GSE1: variants seen among roughly 807,000 people sequenced by gnomAD.
GSE1 encodes the protein Gse1 coiled-coil protein.
GSE1 carries 32 observed loss-of-function variants against 112.6 expected under a neutral mutation model. The ratio of observed to expected loss-of-function variants is 0.28; its 90% CI spans 0.21 to 0.38. The LOEUF is 0.38. Among genes scored for constraint, GSE1 ranks in the 10% least tolerant of loss-of-function variants. The probability of loss-of-function intolerance (pLI) is 1.00; values close to 1 mark genes in which losing one functional copy is unlikely to be tolerated. For missense variants in GSE1, 2,348 were observed against 1,699.2 expected, an observed-to-expected ratio of 1.38 and a Z score of -6.71; for synonymous variants, 1,115 against 735.6, an observed-to-expected ratio of 1.52 and a Z score of -8.35.
At chr16:85,309,675 C>T (rs1323535866) in intron 1 of GSE1, among the ~76,000 whole-genome samples, 12 of 152,234 alleles carry the variant, frequency 7.9e-5, no homozygotes, top group Admixed American at 6.5e-5. Context: ...GCTCTGCAGA[C>T]GCCATTTGGG....
chr16:85,347,827 AC>A (rs2046774341), intron 1 of GSE1, among the ~76,000 whole-genome samples: 1 of 152,096 alleles, frequency 6.6e-6, no homozygotes, highest in Admixed American at 6.5e-5. Context: ...CTTCTGTTCC[AC>A]CTGGTCAGGG....
chr16:85,358,238 A>T (rs920562598), intron 2 of GSE1, among the ~76,000 whole-genome samples: 1 of 152,138 alleles, frequency 6.6e-6, no homozygotes, highest in South Asian at 2.1e-4. Context: ...CTCCTTGGTT[A>T]ATCGCCGTGT....
intron 15 of GSE1, among the ~76,000 whole-genome samples, chr16:85,671,595 C>G (rs566738078): frequency 1.4e-4 from 21 of 152,248 alleles, no homozygotes; most frequent in African/African-American, 4.8e-4. Flanking sequence ...GCCTGGTTGA[C>G]AGAGCAAGAC....
At chr16:85,384,961 C>T (rs1051671584) in intron 2 of GSE1, among the ~76,000 whole-genome samples, 28 of 152,274 alleles carry the variant, frequency 1.8e-4, no homozygotes, top group South Asian at 1.2e-3. Context: ...AGCAGGTTAG[C>T]GTGCTGTGCA....
At chr16:85,622,517 C>G (rs776185523) in intron 1 of GSE1, among the ~76,000 whole-genome samples, 8 of 152,196 alleles carry the variant, frequency 5.3e-5, no homozygotes, top group African/African-American at 1.9e-4. Context: ...TCTTCAAACA[C>G]ACGCTCCCAC....
intron 1 of GSE1, among the ~76,000 whole-genome samples, chr16:85,254,422 G>A (rs1055437054): frequency 3.3e-5 from 5 of 152,252 alleles, no homozygotes; most frequent in Middle Eastern, 3.4e-3. Context: ...ACAGCGCCTC[G>A]CACACAGCAG....
intron 1 of GSE1, among the ~76,000 whole-genome samples, chr16:85,338,818 G>A (rs1274990781): frequency 6.6e-6 from 1 of 152,042 alleles, no homozygotes; most frequent in Non-Finnish European, 1.5e-5. Flanking sequence ...CGCAGTAACC[G>A]AGTCAGTGCG....
At chr16:85,195,083 T>C (rs1219397136) in intron 1 of GSE1, among the ~76,000 whole-genome samples, 5 of 152,136 alleles carry the variant, frequency 3.3e-5, no homozygotes, top group Non-Finnish European at 5.9e-5. Context: ...ATCGCAGGCA[T>C]GTACCTCTGC....
At chr16:85,433,660 T>C (rs971124167) in intron 2 of GSE1, among the ~76,000 whole-genome samples, 26 of 151,412 alleles carry the variant, frequency 1.7e-4, no homozygotes, top group African/African-American at 6.1e-4. Context: ...GTTGAATGGA[T>C]AGATACTTGC....
rs1257099088 is a variant in GSE1 at position 85,663,067 on chromosome 16, C to T, written c.2347C>T (p.Pro783Ser). ...CCTCCGTTGCGTGGCCGAGCAGCCG[C>T]CCCTCAAACTGGACACGTCCTCTGA... is the stretch of plus-strand genomic sequence containing the variant. ...AHLRCVAEQP[P>S]LKLDTSSEKL... Residue 783 changes from proline to serine, a missense_variant, in exon 10 of 16, where the codon CCC (proline) becomes TCC (serine). Coordinates refer to ENST00000253458, the MANE Select transcript of GSE1 (RefSeq NM_014615.5). The T allele has an allele frequency of 1.9e-6, 3 of 1,611,630 alleles. No individual in the cohort carries two copies. Among genetic ancestry groups the T allele is most frequent in the South Asian group, 2.2e-5 (2 of 91,062 alleles).
intron 2 of GSE1, among the ~76,000 whole-genome samples, chr16:85,391,285 C>G (rs1040396388): frequency 7.2e-5 from 11 of 152,238 alleles, no homozygotes; most frequent in Non-Finnish European, 1.6e-4. Flanking sequence ...CCCGAAGAAG[C>G]AGGCATTTTT....
At chr16:85,670,733 C>G (rs530237018) in intron 14 of GSE1, 1 of 240,768 alleles carries the variant, frequency 4.2e-6, no homozygotes, top group Non-Finnish European at 7.9e-6. Flanking sequence ...CATCAAATTT[C>G]TTCCTAATCT....
intron 1 of GSE1, among the ~76,000 whole-genome samples, chr16:85,284,568 C>T (rs1360727396): frequency 2.0e-5 from 3 of 152,186 alleles, no homozygotes; most frequent in Non-Finnish European, 2.9e-5. Context: ...GCTGGGTTGA[C>T]GATTCTCGGG....
At chr16:85,449,400 G>T (rs1300208690) in intron 2 of GSE1, among the ~76,000 whole-genome samples, 1 of 152,258 alleles carries the variant, frequency 6.6e-6, no homozygotes, top group African/African-American at 2.4e-5. Flanking sequence ...CCGGCAGCTG[G>T]GCCGAGGCCG....
intron 1 of GSE1, among the ~76,000 whole-genome samples, chr16:85,287,478 C>T (rs1001398838): frequency 2.0e-5 from 3 of 152,162 alleles, no homozygotes; most frequent in Non-Finnish European, 2.9e-5. Flanking sequence ...TCCACGCACC[C>T]GCTCTGTTCT....
At chr16:85,519,856 G>A (rs2052121372) in intron 2 of GSE1, among the ~76,000 whole-genome samples, 1 of 152,196 alleles carries the variant, frequency 6.6e-6, no homozygotes, top group Admixed American at 6.5e-5. Flanking sequence ...CTTCCTTCCT[G>A]AGACTGGTGC....
At chr16:85,464,305 C>T (rs1041348881) in intron 2 of GSE1, among the ~76,000 whole-genome samples, 6 of 151,684 alleles carry the variant, frequency 4.0e-5, no homozygotes, top group Admixed American at 6.6e-5. Flanking sequence ...CATCAGATGT[C>T]GGCTTAGGTG....
intron 2 of GSE1, among the ~76,000 whole-genome samples, chr16:85,538,065 G>A (rs2044392948): frequency 6.6e-6 from 1 of 152,204 alleles, no homozygotes; most frequent in Admixed American, 6.5e-5. Flanking sequence ...TGGCCACCCG[G>A]CTGGATTGCT....
intron 2 of GSE1, among the ~76,000 whole-genome samples, chr16:85,475,923 A>G (rs1173634467): frequency 1.3e-5 from 2 of 150,966 alleles, no homozygotes; most frequent in African/African-American, 2.4e-5. Context: ...CGCAGCGGCC[A>G]CTTCTTTATT....
Sources: gnomAD v4.1 joint callset for allele counts (sites outside exome capture counted in the v4.1 genomes callset) on GRCh38, gnomAD v4.1.1 for gene constraint, MANE v1.5 for transcripts, NCBI Gene and HGNC (gene_info 2026-07-23, HGNC 2026-07-21) for gene names.